The following LAMP2 variants were observed in gnomAD, a reference collection of about 807,000 sequenced individuals.
LAMP2 encodes the protein lysosome-associated membrane glycoprotein 2.
In LAMP2, 4 loss-of-function variants were observed where a neutral mutation model predicts 25.6. That is an observed-to-expected ratio of 0.16 (90% CI 0.08 to 0.36). The LOEUF (loss-of-function observed/expected upper bound fraction) is 0.36, where lower values mean the gene tolerates loss of function less well. Among genes scored for constraint, LAMP2 ranks in the 10% least tolerant of loss-of-function variants. LAMP2 has a pLI of 1.00. For missense variants in LAMP2, 272 were observed against 301.4 expected, an observed-to-expected ratio of 0.90 and a Z score of 0.72; for synonymous variants, 108 against 112.7, an observed-to-expected ratio of 0.96 and a Z score of 0.27.
chrX:120,454,898 G>GATATAT (rs139348113), intron 3 of LAMP2, among the ~76,000 whole-genome samples: 4 of 87,394 alleles, frequency 4.6e-5, no homozygotes, highest in Non-Finnish European at 8.7e-5. Context: ...TATACTAGGA[G>GATATAT]ATATATATAT....
Position 120,438,717 on chromosome X carries a change from C to CACAT in LAMP2, c.1093+3012_1093+3013insATGT, listed in dbSNP as rs1199501133. 4 of 785,504 alleles carry CACAT rather than the reference C, an allele frequency of 5.1e-6. No homozygotes were observed. The African/African-American group carries it at 9.6e-5, about 19-fold the overall frequency. 64.7% of individuals were successfully genotyped at this position (785,504 alleles called of 1,213,427 possible). Reference sequence around the variant, plus strand: ...TCACACACACACACACACACACACACACACACACACACACAAAAAGAGCAA... The same window carrying CACAT: ...TCACACACACACACACACACACACACACATACACACACACACACAAAAAGAGCAA... On this transcript the variant is annotated intron_variant, in intron 8 of 8. Coordinates refer to ENST00000200639, the MANE Select transcript of LAMP2 (RefSeq NM_002294.3).
chrX:120,466,643 T>C (rs1047807642), intron 1 of LAMP2, among the ~76,000 whole-genome samples: 2 of 111,540 alleles, frequency 1.8e-5, no homozygotes, highest in Non-Finnish European at 3.8e-5. Flanking sequence ...TTTACTTTCT[T>C]ATCCACTGAG....
At position 120,426,954 on chromosome X, in the gene LAMP2, T is replaced by C. The variant is rs1039243091; in HGVS notation, c.*4369A>G. On this transcript the variant is annotated 3_prime_UTR_variant, in exon 9 of 9. Coordinates refer to ENST00000200639, the MANE Select transcript of LAMP2 (RefSeq NM_002294.3). ...TTTTGAGATGTACATGTTTTTGAGA[T>C]GTACATATAGAGAAGGCAGTAAAGA... Among the ~76,000 whole-genome samples, 2 of 112,052 alleles carry C rather than the reference T, an allele frequency of 1.8e-5. No homozygotes were observed. Among genetic ancestry groups the C allele is most frequent in the Non-Finnish European group, 3.8e-5 (2 of 53,209 alleles).
At chrX:120,460,711 G>C (rs1921279442) in intron 1 of LAMP2, among the ~76,000 whole-genome samples, 1 of 111,875 alleles carries the variant, frequency 8.9e-6, no homozygotes, top group African/African-American at 3.3e-5. Flanking sequence ...AGCACTTTGG[G>C]AGGCCAAGGA....
At chrX:120,451,198 C>T (rs1476905063) in intron 3 of LAMP2, among the ~76,000 whole-genome samples, 1 of 111,537 alleles carries the variant, frequency 9.0e-6, no homozygotes, top group Non-Finnish European at 1.9e-5. Flanking sequence ...GGATTACAGG[C>T]ACGAGCCACC....
At chrX:120,460,945 ACT>A (rs980468093) in intron 1 of LAMP2, among the ~76,000 whole-genome samples, 5 of 111,018 alleles carry the variant, frequency 4.5e-5, no homozygotes, top group African/African-American at 1.6e-4. Flanking sequence ...CAAGAATGAA[ACT>A]CTGTCTCAAA....
In LAMP2 at chrX:120,442,883, T is replaced by A. The variant is rs56067154; in HGVS notation, c.865-221A>T. 0.051 allele frequency among the ~76,000 whole-genome samples: 5,658 copies of A among 111,784 alleles called. 373 individuals carry two copies. Among genetic ancestry groups the A allele is most frequent in the African/African-American group, 0.17 (5,269 of 30,636 alleles). ...AACTTTTGGAGCACAGGTGTAGTCA[T>A]GTGGATCTCAGACACTTGAAGATTT... On this transcript the variant is annotated intron_variant, in intron 6 of 8. Transcript: ENST00000200639.
rs1472092614 is a variant in LAMP2 at position 120,426,348 on chromosome X, C to G, written c.*4975G>C. Among the ~76,000 whole-genome samples the G allele has an allele frequency of 9.3e-6, 1 of 107,849 alleles. No homozygotes were observed. Among genetic ancestry groups the G allele is most frequent in the East Asian group, 2.9e-4 (1 of 3,501 alleles). The allele number at this position is 107,849 out of a possible 115,157, so 93.7% of individuals were successfully genotyped here. A position where few individuals can be genotyped will look rare whatever the true frequency, so the allele number is the denominator to read the frequency against. ...GGTGAAAAACAATTGTTTACATTCA[C>G]CAGTTCAAAGTCGTACTGTCTGATC... is the stretch of plus-strand genomic sequence containing the variant. On this transcript the variant is annotated 3_prime_UTR_variant, in exon 9 of 9. Coordinates refer to ENST00000200639, the MANE Select transcript of LAMP2 (RefSeq NM_002294.3).
intron 8 of LAMP2, among the ~76,000 whole-genome samples, chrX:120,436,170 A>ACACACACACACACACACTCT (rs1251901451): frequency 5.2e-5 from 3 of 57,304 alleles, no homozygotes; most frequent in Middle Eastern, 0.011. Flanking sequence ...ACACACACAC[A>ACACACACACACACACACTCT]CTCTCTCTCT....
Position 120,430,709 on chromosome X carries a change from A to AGG in LAMP2, c.*612_*613dup. The AGG allele has an allele frequency of 2.6e-6, 2 of 754,906 alleles. No individual in the cohort carries two copies. Among genetic ancestry groups the AGG allele is most frequent in the Non-Finnish European group, 3.1e-6 (2 of 639,671 alleles). The allele number at this position is 754,906 out of a possible 1,213,427, so 62.2% of individuals were successfully genotyped here. Reference sequence around the variant, plus strand: ...TCCCTAGGGAAAAATCACAGGCTTGAGGTACTAACTTCATGCTTAACTTGA... The same window carrying AGG: ...TCCCTAGGGAAAAATCACAGGCTTGAGGGGTACTAACTTCATGCTTAACTTGA... On this transcript the variant is annotated 3_prime_UTR_variant, in exon 9 of 9. Transcript: ENST00000200639.
At chrX:120,446,566 T>C in intron 5 of LAMP2, 139 bp from the exon 6 acceptor site, 1 of 644,921 alleles carries the variant, frequency 1.6e-6, no homozygotes, top group Admixed American at 2.5e-5. Flanking sequence ...CATGGTGTCT[T>C]CACTTTCAAA....
At chrX:120,435,281 A>G in intron 8 of LAMP2, among the ~76,000 whole-genome samples, 1 of 112,520 alleles carries the variant, frequency 8.9e-6, no homozygotes, top group East Asian at 2.8e-4. Context: ...ATCTGAAAAG[A>G]TTCGTGAAGC....
intron 1 of LAMP2, among the ~76,000 whole-genome samples, chrX:120,460,846 G>A (rs953896970): frequency 2.8e-4 from 31 of 112,121 alleles, no homozygotes; most frequent in South Asian, 3.7e-4. Flanking sequence ...AGCTACTCAG[G>A]AGGCTGATAC....
rs915855009 is a variant in LAMP2 at position 120,428,713 on chromosome X, G to T, written c.*2610C>A. On this transcript the variant is annotated 3_prime_UTR_variant, in exon 9 of 9. Transcript: ENST00000200639. ...AAAGCATGCAAGAAACATGCATTTT[G>T]AAAGTGTACATAGCTTAGTTTTTTA... 1.8e-6 allele frequency: 2 copies of T among 1,103,270 alleles called. No individual in the cohort carries two copies. The highest frequency in any genetic ancestry group is 3.6e-5 in the East Asian group (1 of 27,713). The allele number at this position is 1,103,270 out of a possible 1,213,427, so 90.9% of individuals were successfully genotyped here. A position where few individuals can be genotyped will look rare whatever the true frequency, so the allele number is the denominator to read the frequency against.
At chrX:120,436,170 A>T (rs370469596) in intron 8 of LAMP2, among the ~76,000 whole-genome samples, 4,322 of 57,011 alleles carry the variant, frequency 0.076, 148 homozygotes, top group African/African-American at 0.11. Context: ...ACACACACAC[A>T]CTCTCTCTCT....
At chrX:120,448,382 T>C (rs2058607539) in intron 4 of LAMP2, among the ~76,000 whole-genome samples, 1 of 112,355 alleles carries the variant, frequency 8.9e-6, no homozygotes, top group African/African-American at 3.2e-5. Context: ...AATTTTTTGG[T>C]TCTTTATTCC....
In LAMP2 at chrX:120,430,539, A is replaced by C; in HGVS notation, c.*784T>G. The C allele has an allele frequency of 1.3e-6, 1 of 752,731 alleles. No homozygotes were observed. Among genetic ancestry groups the C allele is most frequent in the South Asian group, 6.7e-5 (1 of 14,841 alleles). 62.0% of individuals were successfully genotyped at this position (752,731 alleles called of 1,213,427 possible). A position where few individuals can be genotyped will look rare whatever the true frequency, so the allele number is the denominator to read the frequency against. On this transcript the variant is annotated 3_prime_UTR_variant, in exon 9 of 9. Coordinates refer to ENST00000200639, the MANE Select transcript of LAMP2 (RefSeq NM_002294.3). ...TTCAATACTAATCAGGCATCCAAAGAAGAACAAAACAAGAAACAAAAAAGC... is the reference window on the plus strand; with the variant it reads ...TTCAATACTAATCAGGCATCCAAAGCAGAACAAAACAAGAAACAAAAAAGC...
intron 1 of LAMP2, among the ~76,000 whole-genome samples, chrX:120,465,212 T>G (rs1214737450): frequency 3.6e-5 from 4 of 109,928 alleles, no homozygotes; most frequent in Non-Finnish European, 7.6e-5. Context: ...AGTAAACGTG[T>G]GGAAGGGAGA....
Position 120,429,286 on chromosome X carries a change from GTAGATTTTGAGTTCTGGATT to G in LAMP2, c.*2017_*2036del, listed in dbSNP as rs2058513295. The G allele has an allele frequency of 1.4e-6, 1 of 740,041 alleles. No homozygotes were observed. Among genetic ancestry groups the G allele is most frequent in the African/African-American group, 2.8e-5 (1 of 36,342 alleles). The allele number at this position is 740,041 out of a possible 1,213,427, so 61.0% of individuals were successfully genotyped here. On this transcript the variant is annotated 3_prime_UTR_variant, in exon 9 of 9. Coordinates refer to ENST00000200639, the MANE Select transcript of LAMP2 (RefSeq NM_002294.3). ...CCACCAGGAAAGCAACATGTGCAAT[GTAGATTTTGAGTTCTGGATT>G]CAGACAGAACTGTGTTTAAATCTTG...
Sources: allele counts gnomAD v4.1 joint callset (sites outside exome capture counted in the v4.1 genomes callset), GRCh38; gene constraint gnomAD v4.1.1; transcripts MANE v1.5; gene names NCBI Gene and HGNC (gene_info 2026-07-23, HGNC 2026-07-21).